RCL1: variants seen among roughly 807,000 people sequenced by gnomAD.
RCL1 encodes the protein RNA 3'-terminal phosphate cyclase-like protein.
Under a neutral mutation model 42.4 loss-of-function variants are expected in RCL1, and 24 were observed. The ratio of observed to expected loss-of-function variants is 0.57; its 90% CI spans 0.41 to 0.80. RCL1 has a LOEUF of 0.80. RCL1 is among the 30% of genes least tolerant of loss of function. RCL1 has a pLI of 0.00. For missense variants in RCL1, 578 were observed against 467.9 expected (o/e 1.24, Z -2.17); for synonymous variants, 228 against 177.3 (o/e 1.29, Z -2.27).
intron 4 of RCL1, among the ~76,000 whole-genome samples, chr9:4,833,505 C>T (rs1430627596): frequency 1.3e-5 from 2 of 152,222 alleles, no homozygotes; most frequent in Non-Finnish European, 2.9e-5. Context: ...CTCACAACAG[C>T]TCCGCCCATG....
rs1238381849 is a variant in RCL1, at chr9:4,860,326, C to T, written c.*51C>T. ...TGCCTACAGACAAAGCAGAAGCTGC[C>T]ACGGACACCAATGGGACCAAGTCCA... On this transcript the variant is annotated 3_prime_UTR_variant, in exon 9 of 9. Coordinates refer to ENST00000381750, the MANE Select transcript of RCL1 (RefSeq NM_005772.5). The T allele has an allele frequency of 3.0e-5, 47 of 1,583,814 alleles. No homozygotes were observed. The highest frequency in any genetic ancestry group is 3.9e-5 in the Non-Finnish European group (46 of 1,166,922).
chr9:4,793,267 C>A lies in RCL1; in HGVS notation c.136+40C>A, dbSNP rs1158113835. ...GCGGCGCGCGGCGTGGGCGCGGGGG[C>A]TGAGGGGAGACCGAGCTGATGCCGT... On this transcript the variant is annotated intron_variant, in intron 1 of 8. Coordinates refer to ENST00000381750, the MANE Select transcript of RCL1 (RefSeq NM_005772.5). 11 of 1,550,604 alleles carry A rather than the reference C, an allele frequency of 7.1e-6. No homozygotes were observed. In the Admixed American group the frequency reaches 7.8e-5, roughly 11 times the overall value.
chr9:4,809,249 ATTC>A (rs924512565), intron 1 of RCL1, among the ~76,000 whole-genome samples: 1 of 151,974 alleles, frequency 6.6e-6, no homozygotes, highest in African/African-American at 2.4e-5. Flanking sequence ...ATATCCTAAC[ATTC>A]TTCTGTTTCC....
At chr9:4,794,671 A>C (rs1842885707) in intron 1 of RCL1, among the ~76,000 whole-genome samples, 1 of 151,078 alleles carries the variant, frequency 6.6e-6, no homozygotes, top group Non-Finnish European at 1.5e-5. Context: ...AAATGGAAGT[A>C]TAGCCTGGAA....
chr9:4,817,499 G>C (rs1816424222), intron 1 of RCL1, among the ~76,000 whole-genome samples: 1 of 148,916 alleles, frequency 6.7e-6, no homozygotes, highest in African/African-American at 2.5e-5. Flanking sequence ...TTTGAGACAG[G>C]GTCTGGCTCT....
At chr9:4,854,434 G>A (rs2129735880) in intron 8 of RCL1, among the ~76,000 whole-genome samples, 1 of 152,264 alleles carries the variant, frequency 6.6e-6, no homozygotes, top group African/African-American at 2.4e-5. Flanking sequence ...TCCAGAGCAT[G>A]TCCTTACACC....
At position 4,849,485 on chromosome 9, in the gene RCL1, ACTACTCATGACC is replaced by A; in HGVS notation, c.909_920del (p.Leu304_Leu307del). ...ACTCGACCAACCAAAGCCTGGCGCT[ACTACTCATGACC>A]CTTGGACAGCAGGATGTTTCCAAAG... On this transcript the variant is annotated inframe_deletion, in exon 8 of 9. Transcript: ENST00000381750. The A allele has an allele frequency of 1.9e-6, 3 of 1,614,080 alleles. No individual in the cohort carries two copies. The highest frequency in any genetic ancestry group is 2.5e-6 in the Non-Finnish European group (3 of 1,179,994).
intron 5 of RCL1, among the ~76,000 whole-genome samples, chr9:4,837,481 C>T (rs1433296151): frequency 6.6e-6 from 1 of 151,966 alleles, no homozygotes; most frequent in African/African-American, 2.4e-5. Context: ...GATGTGTTTC[C>T]TTAATGCTGT....
chr9:4,831,586 C>T (rs1412518951), intron 3 of RCL1, among the ~76,000 whole-genome samples: 1 of 152,184 alleles, frequency 6.6e-6, no homozygotes, highest in African/African-American at 2.4e-5. Context: ...AAGTGATCCT[C>T]CCACCTCAGC....
intron 1 of RCL1, among the ~76,000 whole-genome samples, chr9:4,809,305 C>A (rs969992605): frequency 6.7e-6 from 1 of 148,802 alleles, no homozygotes; most frequent in African/African-American, 2.5e-5. Flanking sequence ...CTAGAGACTC[C>A]TTTTTTTTTT....
At chr9:4,846,381 A>G (rs1817512773) in intron 7 of RCL1, among the ~76,000 whole-genome samples, 1 of 152,230 alleles carries the variant, frequency 6.6e-6, no homozygotes, top group Non-Finnish European at 1.5e-5. Context: ...AGGAGGAGGT[A>G]TTCTTTGACA....
At chr9:4,800,396 G>A (rs935793760) in intron 1 of RCL1, among the ~76,000 whole-genome samples, 4 of 151,506 alleles carry the variant, frequency 2.6e-5, no homozygotes, top group African/African-American at 9.7e-5. Flanking sequence ...TGTATTTTTA[G>A]TAGAGACGGG....
chr9:4,844,656 G>A lies in RCL1; in HGVS notation c.842G>A (p.Arg281Gln), dbSNP rs751699813. The stretch of plus-strand genomic sequence containing the variant: ...GAGGACCTTGGCAGGAACTGTGCCC[G>A]GCTGCTGCTGGAGGAAATCTACAGG... ...LPEDLGRNCA[R>Q]LLLEEIYRGG... Residue 281 changes from arginine to glutamine, a missense_variant, in exon 7 of 9, where the codon CGG (arginine) becomes CAG (glutamine). By Grantham distance (43) the Arg-to-Gln change is conservative. Coordinates refer to ENST00000381750, the MANE Select transcript of RCL1 (RefSeq NM_005772.5). 3.5e-5 allele frequency: 57 copies of A among 1,613,522 alleles called. No homozygotes were observed. Among genetic ancestry groups the A allele is most frequent in the South Asian group, 1.6e-4 (15 of 90,972 alleles).
chr9:4,793,029 A>G lies in RCL1; in HGVS notation c.-63A>G. On this transcript the variant is annotated 5_prime_UTR_variant, in exon 1 of 9. Transcript: ENST00000381750. ...CGCCACCACCACCATCGGAGTCACG[A>G]GTCCCGCGTCTGTCCGAAGTCGCCG... 2.6e-6 allele frequency: 4 copies of G among 1,545,854 alleles called. No homozygotes were observed. Among genetic ancestry groups the G allele is most frequent in the Non-Finnish European group, 1.8e-6 (2 of 1,142,486 alleles).
intron 1 of RCL1, chr9:4,804,001 G>A (rs1021091191): frequency 2.0e-5 from 3 of 152,578 alleles, no homozygotes; most frequent in African/African-American, 7.2e-5. Flanking sequence ...AGAGCTGTCT[G>A]TGTAGGTTTT....
At chr9:4,813,700 A>C (rs1816261885) in intron 1 of RCL1, among the ~76,000 whole-genome samples, 1 of 152,264 alleles carries the variant, frequency 6.6e-6, no homozygotes, top group East Asian at 1.9e-4. Context: ...ATATACCCAA[A>C]GGATTATAAA....
chr9:4,807,085 T>G (rs1020202975), intron 1 of RCL1, among the ~76,000 whole-genome samples: 1 of 152,206 alleles, frequency 6.6e-6, no homozygotes, highest in East Asian at 1.9e-4. Flanking sequence ...TGTAGTGATA[T>G]CTCCTGTTTT....
chr9:4,826,403 C>T (rs137874940), intron 2 of RCL1, among the ~76,000 whole-genome samples: 1 of 152,122 alleles, frequency 6.6e-6, no homozygotes. Context: ...AAAGTACTTG[C>T]CTTTTCTTGG....
At chr9:4,819,452 T>C (rs1816507371) in intron 1 of RCL1, among the ~76,000 whole-genome samples, 1 of 152,248 alleles carries the variant, frequency 6.6e-6, no homozygotes, top group African/African-American at 2.4e-5. Context: ...AGCAAATATA[T>C]GTACATATAT....
Sources: gnomAD v4.1 joint callset for allele counts (sites outside exome capture counted in the v4.1 genomes callset) on GRCh38, gnomAD v4.1.1 for gene constraint, MANE v1.5 for transcripts, NCBI Gene and HGNC (gene_info 2026-07-23, HGNC 2026-07-21) for gene names.